ZNF618: variants seen among roughly 807,000 people sequenced by gnomAD.
ZNF618 encodes the protein zinc finger protein 618.
In ZNF618, 34 loss-of-function variants were observed where a neutral mutation model predicts 103.0. The ratio of observed to expected loss-of-function variants is 0.33; its 90% CI spans 0.25 to 0.44. The LOEUF (loss-of-function observed/expected upper bound fraction) is 0.44, where lower values mean the gene tolerates loss of function less well. ZNF618 is among the 20% of genes least tolerant of loss of function. The pLI, the probability that ZNF618 is intolerant of heterozygous loss-of-function variation, is 1.00. For synonymous variants in ZNF618, 551 were observed against 542.2 expected, an observed-to-expected ratio of 1.02 and a Z score of -0.23; for missense variants, 1,059 against 1,295.4, an observed-to-expected ratio of 0.82 and a Z score of 2.80.
rs1012922467 is a variant in ZNF618, at chr9:113,876,367, T to A, written c.-14T>A. The A allele has an allele frequency of 8.4e-7, 1 of 1,193,454 alleles. No individual in the cohort carries two copies. 73.9% of individuals were successfully genotyped at this position (1,193,454 alleles called of 1,614,324 possible). On this transcript the variant is annotated 5_prime_UTR_variant, in exon 1 of 15. Transcript: ENST00000374126. ...AGCAGGACGCGCCGGGGCCGCCTCC[T>A]CCCGCACGGACCCATGAACCAGCCG...
chr9:113,929,773 G>A (rs1833410160), intron 1 of ZNF618, among the ~76,000 whole-genome samples: 1 of 152,124 alleles, frequency 6.6e-6, no homozygotes, highest in Non-Finnish European at 1.5e-5. Context: ...ATAACCTTTA[G>A]TTCACTTGTT....
chr9:114,020,120 A>C (rs1231001914), intron 10 of ZNF618, among the ~76,000 whole-genome samples: 7 of 152,148 alleles, frequency 4.6e-5, no homozygotes, highest in Non-Finnish European at 2.9e-5. Context: ...ATTGCATTGC[A>C]CTGGTACTTT....
intron 1 of ZNF618, among the ~76,000 whole-genome samples, chr9:113,937,326 A>G (rs1032214253): frequency 8.5e-5 from 13 of 152,126 alleles, no homozygotes; most frequent in African/African-American, 2.4e-4. Context: ...AAGGCATGAT[A>G]CTCCTTTACC....
chr9:113,914,135 T>A (rs1467107834), intron 1 of ZNF618, among the ~76,000 whole-genome samples: 1 of 152,174 alleles, frequency 6.6e-6, no homozygotes, highest in Non-Finnish European at 1.5e-5. Flanking sequence ...CACTGAGTTA[T>A]TACCCCAGGA....
At chr9:113,997,656 A>G (rs114706122) in intron 3 of ZNF618, among the ~76,000 whole-genome samples, 2,294 of 152,346 alleles carry the variant, frequency 0.015, 57 homozygotes, top group African/African-American at 0.052. Context: ...CAGCTGCCCT[A>G]GCCTCTGCTT....
chr9:113,990,119 C>G (rs1215103345), intron 3 of ZNF618, among the ~76,000 whole-genome samples: 3 of 152,216 alleles, frequency 2.0e-5, no homozygotes, highest in African/African-American at 7.2e-5. Context: ...GGAATGCCTT[C>G]CCCCATTTCC....
At chr9:113,887,162 A>ACAGTCC (rs1829154898) in intron 1 of ZNF618, among the ~76,000 whole-genome samples, 1 of 152,078 alleles carries the variant, frequency 6.6e-6, no homozygotes, top group Non-Finnish European at 1.5e-5. Context: ...CCGTCATCAG[A>ACAGTCC]TACCTAGACA....
intron 13 of ZNF618, among the ~76,000 whole-genome samples, chr9:114,041,815 C>G (rs933316063): frequency 6.6e-6 from 1 of 152,108 alleles, no homozygotes; most frequent in African/African-American, 2.4e-5. Flanking sequence ...AATGCGGGCT[C>G]TTTTTTGGTT....
At chr9:113,993,980 C>T (rs1053940186) in intron 3 of ZNF618, among the ~76,000 whole-genome samples, 4 of 152,170 alleles carry the variant, frequency 2.6e-5, no homozygotes, top group East Asian at 1.9e-4. Flanking sequence ...GTGAGTTCCC[C>T]GTCCTGACAT....
At chr9:114,032,992 C>G (rs954365501) in intron 12 of ZNF618, among the ~76,000 whole-genome samples, 1 of 152,190 alleles carries the variant, frequency 6.6e-6, no homozygotes. Context: ...CACCCCTCCC[C>G]ATAGCCTGCG....
chr9:113,999,371 C>G (rs745587344), intron 4 of ZNF618, among the ~76,000 whole-genome samples: 5 of 147,764 alleles, frequency 3.4e-5, no homozygotes, highest in African/African-American at 7.5e-5. Flanking sequence ...CTGAGCGAGG[C>G]GCAGGCGGGG....
At chr9:114,009,917 G>C (rs1307238872) in intron 9 of ZNF618, among the ~76,000 whole-genome samples, 1 of 152,200 alleles carries the variant, frequency 6.6e-6, no homozygotes, top group Non-Finnish European at 1.5e-5. Flanking sequence ...AAAGCATTCA[G>C]GAAACTGAAG....
At chr9:113,937,076 T>C (rs925032741) in intron 1 of ZNF618, among the ~76,000 whole-genome samples, 5 of 152,254 alleles carry the variant, frequency 3.3e-5, no homozygotes, top group African/African-American at 7.2e-5. Flanking sequence ...ATGCTATATA[T>C]GGATGAAACC....
At chr9:114,032,994 T>C (rs1470849471) in intron 12 of ZNF618, among the ~76,000 whole-genome samples, 1 of 152,154 alleles carries the variant, frequency 6.6e-6, no homozygotes, top group African/African-American at 2.4e-5. Flanking sequence ...CCCCTCCCCA[T>C]AGCCTGCGGC....
At chr9:113,883,982 G>GCC (rs558766678) in intron 1 of ZNF618, among the ~76,000 whole-genome samples, 1 of 29,708 alleles carries the variant, frequency 3.4e-5, no homozygotes, top group Non-Finnish European at 5.9e-5. Context: ...TCTGGGCTTG[G>GCC]CCCCCCCCCC....
chr9:113,876,854 C>T (rs1296094403), intron 1 of ZNF618, among the ~76,000 whole-genome samples: 1 of 150,892 alleles, frequency 6.6e-6, no homozygotes, highest in East Asian at 2.0e-4. Flanking sequence ...CCCCCAGGTC[C>T]CCCATTTTTG....
chr9:113,925,055 T>A (rs143532743), intron 1 of ZNF618, among the ~76,000 whole-genome samples: 1,539 of 152,182 alleles, frequency 0.01, 29 homozygotes, highest in African/African-American at 0.032. Flanking sequence ...ATTGATGATG[T>A]TGTTTAATTT....
At chr9:114,001,259 G>A (rs1022615292) in intron 4 of ZNF618, among the ~76,000 whole-genome samples, 2 of 146,488 alleles carry the variant, frequency 1.4e-5, no homozygotes, top group Non-Finnish European at 3.0e-5. Flanking sequence ...GCTCCTGGGA[G>A]AAGGGCCTGG....
chr9:114,050,178 C>CG lies in ZNF618; in HGVS notation c.*16dup, dbSNP rs769448007. On this transcript the variant is annotated 3_prime_UTR_variant, in exon 15 of 15. Transcript: ENST00000374126. The stretch of plus-strand genomic sequence containing the variant: ...TCCAACATGCTTTAAGACTTGACTT[C>CG]GGGGGAAAAAAAAAGAAAAAGAGAA... The CG allele has an allele frequency of 1.1e-5, 17 of 1,514,452 alleles. No individual in the cohort carries two copies. The highest frequency in any genetic ancestry group is 4.2e-5 in the African/African-American group (3 of 71,032). The allele number at this position is 1,514,452 out of a possible 1,614,324, so 93.8% of individuals were successfully genotyped here.
Sources: allele counts gnomAD v4.1 joint callset (sites outside exome capture counted in the v4.1 genomes callset), GRCh38; gene constraint gnomAD v4.1.1; transcripts MANE v1.5; gene names NCBI Gene and HGNC (gene_info 2026-07-23, HGNC 2026-07-21).